CTNNA3: variants seen among roughly 807,000 people sequenced by gnomAD.
CTNNA3 encodes catenin alpha 3.
In CTNNA3, 76 loss-of-function variants were observed where a neutral mutation model predicts 95.7. The observed-to-expected ratio is 0.79, with a 90% CI of 0.66 to 0.96. The LOEUF is 0.96. Among genes scored for constraint, CTNNA3 ranks in the 40% least tolerant of loss-of-function variants. The pLI, the probability that CTNNA3 is intolerant of heterozygous loss-of-function variation, is 0.00. For synonymous variants in CTNNA3, 431 were observed against 374.4 expected (o/e 1.15, Z -1.74); for missense variants, 1,191 against 1,089.8 (o/e 1.09, Z -1.31).
intron 5 of CTNNA3, among the ~76,000 whole-genome samples, chr10:67,498,505 A>C (rs892434856): frequency 1.2e-4 from 18 of 152,310 alleles, no homozygotes; most frequent in African/African-American, 4.3e-4. Context: ...ATGGCATTGA[A>C]TCTATAAATT....
intron 5 of CTNNA3, among the ~76,000 whole-genome samples, chr10:67,311,448 A>G (rs1030800000): frequency 3.3e-5 from 5 of 152,196 alleles, no homozygotes; most frequent in South Asian, 4.1e-4. Flanking sequence ...CCAAAAGCAG[A>G]TCTGTGGTTG....
chr10:66,250,520 G>A (rs1438720973), intron 13 of CTNNA3, among the ~76,000 whole-genome samples: 2 of 152,190 alleles, frequency 1.3e-5, no homozygotes, highest in South Asian at 4.1e-4. Flanking sequence ...CTATATCAAA[G>A]TATCTCATGT....
At chr10:66,271,857 A>G (rs2091288642) in intron 13 of CTNNA3, among the ~76,000 whole-genome samples, 2 of 152,190 alleles carry the variant, frequency 1.3e-5, no homozygotes. Context: ...TGAGCAACTG[A>G]GATCACTAAC....
intron 17 of CTNNA3, among the ~76,000 whole-genome samples, chr10:65,947,095 T>TTG (rs2077529005): frequency 3.3e-5 from 5 of 151,068 alleles, no homozygotes; most frequent in African/African-American, 9.7e-5. Flanking sequence ...TGTTTGTTTT[T>TTG]TTTTTTTTTG....
At position 66,063,178 on chromosome 10, in the gene CTNNA3, C is replaced by T. The variant is rs369819761; in HGVS notation, c.2159+6130G>A. Among the ~76,000 whole-genome samples the T allele has an allele frequency of 2.0e-3, 292 of 144,234 alleles. 1 individual carries two copies. The highest frequency in any genetic ancestry group is 6.9e-3 in the African/African-American group (267 of 38,776). 94.6% of individuals were successfully genotyped at this position (144,234 alleles called of 152,430 possible). A position where few individuals can be genotyped will look rare whatever the true frequency, so the allele number is the denominator to read the frequency against. On this transcript the variant is annotated intron_variant, in intron 15 of 17. Coordinates refer to ENST00000433211, the MANE Select transcript of CTNNA3 (RefSeq NM_013266.4). ...AGTTTCAGTTCTGCTCCTTTCCAGCCAATGACTGGATACATGTATATATAT... is the reference window on the plus strand; with the variant it reads ...AGTTTCAGTTCTGCTCCTTTCCAGCTAATGACTGGATACATGTATATATAT...
At chr10:65,995,999 C>T (rs549017110) in intron 15 of CTNNA3, among the ~76,000 whole-genome samples, 39 of 152,274 alleles carry the variant, frequency 2.6e-4, no homozygotes, top group Non-Finnish European at 4.4e-4. Context: ...TGGTAAAGTG[C>T]TGGGTGGTGG....
chr10:67,323,627 A>G (rs886318978), intron 5 of CTNNA3, among the ~76,000 whole-genome samples: 1 of 152,166 alleles, frequency 6.6e-6, no homozygotes, highest in East Asian at 1.9e-4. Context: ...GCCTTGTAGT[A>G]TAATTTGAAG....
intron 6 of CTNNA3, among the ~76,000 whole-genome samples, chr10:67,185,617 G>A (rs895325089): frequency 6.6e-5 from 10 of 152,068 alleles, no homozygotes; most frequent in African/African-American, 2.2e-4. Context: ...CATCAGTTAA[G>A]GCTTCATTCA....
At chr10:66,724,045 G>A (rs1848707934) in intron 9 of CTNNA3, among the ~76,000 whole-genome samples, 1 of 151,944 alleles carries the variant, frequency 6.6e-6, no homozygotes, top group African/African-American at 2.4e-5. Context: ...TTCATTAATG[G>A]ATTGCTACTC....
At chr10:66,492,162 T>C (rs766988493) in intron 11 of CTNNA3, among the ~76,000 whole-genome samples, 2 of 152,208 alleles carry the variant, frequency 1.3e-5, no homozygotes, top group Admixed American at 1.3e-4. Context: ...TAACACATTG[T>C]AATCCTCTAC....
In CTNNA3 at chr10:67,410,042, A is replaced by G. The variant is rs1845305880; in HGVS notation, c.579+111800T>C. Among the ~76,000 whole-genome samples, 5 of 152,320 alleles carry G rather than the reference A, an allele frequency of 3.3e-5. No individual in the cohort carries two copies. The South Asian group carries it at 1.0e-3, about 32-fold the overall frequency. ...AAAGGAATACAAATCATTCTGTAAT[A>G]AGACTCATGCACACATATGTTTACT... On this transcript the variant is annotated intron_variant, in intron 5 of 17. Coordinates refer to ENST00000433211, the MANE Select transcript of CTNNA3 (RefSeq NM_013266.4).
At chr10:65,982,956 C>G (rs1177378489) in intron 16 of CTNNA3, among the ~76,000 whole-genome samples, 1 of 151,224 alleles carries the variant, frequency 6.6e-6, no homozygotes, top group Non-Finnish European at 1.5e-5. Flanking sequence ...CTTATAATAT[C>G]AACATGAAAC....
intron 7 of CTNNA3, among the ~76,000 whole-genome samples, chr10:66,887,565 T>A (rs904584143): frequency 1.3e-5 from 2 of 151,776 alleles, no homozygotes; most frequent in African/African-American, 4.8e-5. Flanking sequence ...TAACAATTCA[T>A]CAGGGCCAAT....
At chr10:66,587,812 G>A (rs78460883) in intron 10 of CTNNA3, among the ~76,000 whole-genome samples, 3,617 of 152,212 alleles carry the variant, frequency 0.024, 86 homozygotes, top group South Asian at 0.056. Context: ...GCCATAAGCC[G>A]TCCCAGTGGA....
chr10:66,328,911 C>CATATAGATATATATAT (rs71466862), intron 12 of CTNNA3, among the ~76,000 whole-genome samples: 1 of 86,492 alleles, frequency 1.2e-5, no homozygotes, highest in Non-Finnish European at 2.5e-5. Context: ...CACATATATA[C>CATATAGATATATATAT]ATATATATAT....
intron 1 of CTNNA3, among the ~76,000 whole-genome samples, chr10:67,656,344 A>C (rs1589540858): frequency 6.6e-6 from 1 of 152,182 alleles, no homozygotes; most frequent in African/African-American, 2.4e-5. Context: ...AGAGGGCAAT[A>C]ATCTATATAA....
chr10:66,830,750 C>CAG (rs1285826176), intron 7 of CTNNA3, among the ~76,000 whole-genome samples: 1 of 152,132 alleles, frequency 6.6e-6, no homozygotes, highest in East Asian at 1.9e-4. Flanking sequence ...GCTGGGACTA[C>CAG]AGGCGCCCGC....
chr10:67,109,022 T>C (rs1280213324), intron 7 of CTNNA3, among the ~76,000 whole-genome samples: 1 of 152,196 alleles, frequency 6.6e-6, no homozygotes, highest in Non-Finnish European at 1.5e-5. Context: ...TGTTTTGTTT[T>C]GTTTTTAAAA....
At chr10:65,981,826 C>T (rs114757585) in intron 16 of CTNNA3, among the ~76,000 whole-genome samples, 1 of 151,772 alleles carries the variant, frequency 6.6e-6, no homozygotes, top group Non-Finnish European at 1.5e-5. Context: ...TCTCATCTCT[C>T]ACCCTATAAA....
Sources: allele counts gnomAD v4.1 joint callset (sites outside exome capture counted in the v4.1 genomes callset), GRCh38; gene constraint gnomAD v4.1.1; transcripts MANE v1.5; gene names NCBI Gene and HGNC (gene_info 2026-07-23, HGNC 2026-07-21).